Variants in USPL1 observed in about 807,000 individuals in gnomAD.
USPL1 encodes ubiquitin specific peptidase like 1.
Under a neutral mutation model 51.5 loss-of-function variants are expected in USPL1, and 27 were observed. That is an observed-to-expected ratio of 0.52 (90% CI 0.39 to 0.72). The LOEUF is 0.72. Ranked by LOEUF, USPL1 falls within the 30% of genes least tolerant of loss-of-function variation. USPL1 has a pLI of 0.00. For synonymous variants in USPL1, 451 were observed against 459.6 expected (o/e 0.98, Z 0.24); for missense variants, 1,226 against 1,268.0 (o/e 0.97, Z 0.50).
chr13:30,658,953 G>C lies in USPL1; in HGVS notation c.2876G>C (p.Gly959Ala), dbSNP rs781215462. Residue 959 changes from glycine (G) to alanine (A), a missense_variant, in exon 9 of 9, where the codon GGT becomes GCT. Coordinates refer to ENST00000255304, the MANE Select transcript of USPL1 (RefSeq NM_005800.5). ...GAGTCTGCATGCACCACTGTTCCTG[G>C]TGTTTCCCTGTACAGTAGTCAAACT... ...ASESACTTVP[G>A]VSLYSSQTHE... The C allele has an allele frequency of 6.2e-7, 1 of 1,614,128 alleles. No individual in the cohort carries two copies. The highest frequency in any genetic ancestry group is 8.5e-7 in the Non-Finnish European group (1 of 1,180,030).
At chr13:30,643,613 CTT>C (rs1173017334) in intron 6 of USPL1, among the ~76,000 whole-genome samples, 9 of 115,622 alleles carry the variant, frequency 7.8e-5, no homozygotes, top group Non-Finnish European at 1.0e-4. Flanking sequence ...CCCCCCCGCC[CTT>C]TTTTTTTTTT....
chr13:30,636,701 G>T (rs1425359066), intron 4 of USPL1, among the ~76,000 whole-genome samples: 2 of 152,164 alleles, frequency 1.3e-5, no homozygotes, highest in African/African-American at 4.8e-5. Context: ...AGTGAAAAAA[G>T]AAACAACTAA....
rs1441461388 is a variant in USPL1, at chr13:30,653,165, T to G, written c.1256T>G (p.Met419Arg). Residue 419 changes from methionine to arginine, a missense_variant, in exon 8 of 9, where the codon ATG becomes AGG. Physicochemically the swap from Met to Arg is moderately conservative, Grantham distance 91. Coordinates refer to ENST00000255304, the MANE Select transcript of USPL1 (RefSeq NM_005800.5). ...MVLEKVSPIF[M>R]LHFVEGLPQN... ...TCCCACAGAGTATCTCCCATATTCA[T>G]GTTGCACTTTGTAGAAGGCTTACCA... The G allele has an allele frequency of 4.4e-6, 7 of 1,603,472 alleles. No homozygotes were observed. The Admixed American group carries it at 1.0e-4, about 23-fold the overall frequency.
At chr13:30,642,425 G>A (rs1950960045) in intron 5 of USPL1, among the ~76,000 whole-genome samples, 1 of 152,096 alleles carries the variant, frequency 6.6e-6, no homozygotes, top group South Asian at 2.1e-4. Flanking sequence ...GATCAAAGTG[G>A]TAATTAAATC....
At chr13:30,653,591 G>A (rs202006469) in intron 8 of USPL1, among the ~76,000 whole-genome samples, 2 of 150,918 alleles carry the variant, frequency 1.3e-5, no homozygotes, top group African/African-American at 4.9e-5. Flanking sequence ...TGTTAGCTCA[G>A]TTTTTTTTTC....
intron 3 of USPL1, among the ~76,000 whole-genome samples, chr13:30,628,595 G>A (rs999739295): frequency 1.3e-5 from 2 of 152,120 alleles, no homozygotes; most frequent in African/African-American, 4.8e-5. Flanking sequence ...GTGTCCGTGT[G>A]TTCTCATTGT....
At chr13:30,624,189 G>A (rs968999894) in intron 3 of USPL1, among the ~76,000 whole-genome samples, 7 of 152,110 alleles carry the variant, frequency 4.6e-5, no homozygotes, top group Non-Finnish European at 1.0e-4. Flanking sequence ...ATACCCATTT[G>A]GTGTCCTCTG....
chr13:30,645,746 A>G (rs954491620), intron 6 of USPL1, among the ~76,000 whole-genome samples: 1 of 152,234 alleles, frequency 6.6e-6, no homozygotes, highest in African/African-American at 2.4e-5. Context: ...TTAAAAACAT[A>G]GTCTTCAGAG....
intron 7 of USPL1, among the ~76,000 whole-genome samples, chr13:30,650,217 T>C (rs575824616): frequency 2.6e-5 from 4 of 152,284 alleles, no homozygotes; most frequent in African/African-American, 9.6e-5. Context: ...AGGGGAAGGA[T>C]ATTATTTGAT....
intron 6 of USPL1, among the ~76,000 whole-genome samples, chr13:30,645,801 T>C (rs151336797): frequency 6.6e-6 from 1 of 152,210 alleles, no homozygotes; most frequent in Non-Finnish European, 1.5e-5. Context: ...TATGTGTCAC[T>C]TTCCCCATCT....
chr13:30,631,008 A>G lies in USPL1; in HGVS notation c.402A>G (p.Gly134=). 6.2e-7 allele frequency: 1 copy of G among 1,614,128 alleles called. No individual in the cohort carries two copies. Among genetic ancestry groups the G allele is most frequent in the Non-Finnish European group, 8.5e-7 (1 of 1,180,034 alleles). ...KTRNYIAIDG[G]KVLNSKHNGE... Reference sequence around the variant, plus strand: ...GAAATTATATTGCTATTGACGGTGGAAAAGTTTTGAACAGCAAACATAATG... The same window carrying G: ...GAAATTATATTGCTATTGACGGTGGGAAAGTTTTGAACAGCAAACATAATG... Residue 134 remains glycine (G), a synonymous_variant, in exon 4 of 9, where the codon GGA becomes GGG. Coordinates refer to ENST00000255304, the MANE Select transcript of USPL1 (RefSeq NM_005800.5).
At chr13:30,650,036 T>G (rs1297607596) in intron 7 of USPL1, among the ~76,000 whole-genome samples, 1 of 152,096 alleles carries the variant, frequency 6.6e-6, no homozygotes, top group Non-Finnish European at 1.5e-5. Flanking sequence ...GGGATAAAGT[T>G]TAGTAGAGAT....
chr13:30,639,133 T>C (rs1018447785), intron 5 of USPL1, among the ~76,000 whole-genome samples: 4 of 151,364 alleles, frequency 2.6e-5, no homozygotes, highest in Non-Finnish European at 5.9e-5. Context: ...GGAGAATCGC[T>C]TGAACTTGGG....
In USPL1 at chr13:30,654,822, CT is replaced by C. The variant is rs994766618; in HGVS notation, c.1396+1524del. Among the ~76,000 whole-genome samples, 19 of 151,866 alleles carry C rather than the reference CT, an allele frequency of 1.3e-4. 1 individual carries two copies. The highest frequency in any genetic ancestry group is 4.1e-4 in the African/African-American group (17 of 41,370). ...GCTCACATTAAAAAAAGTTATGTGACTTTTTTTAATTCATATGTCTTTTTAA... is the reference window on the plus strand; with the variant it reads ...GCTCACATTAAAAAAAGTTATGTGACTTTTTTAATTCATATGTCTTTTTAA... On this transcript the variant is annotated intron_variant, in intron 8 of 8. Transcript: ENST00000255304.
chr13:30,633,784 CA>C (rs61682331), intron 4 of USPL1, among the ~76,000 whole-genome samples: 227 of 41,264 alleles, frequency 5.5e-3, no homozygotes, highest in South Asian at 0.027. Context: ...GACTCTGTCT[CA>C]AAAAAAAAAA....
chr13:30,642,213 G>C (rs1950957157), intron 5 of USPL1, among the ~76,000 whole-genome samples: 1 of 152,076 alleles, frequency 6.6e-6, no homozygotes. Context: ...TTCCTGCCTT[G>C]GCCTCCCAGT....
At position 30,657,518 on chromosome 13, in the gene USPL1, AG is replaced by A; in HGVS notation, c.1443del (p.Arg481SerfsTer24). The A allele has an allele frequency of 6.2e-7, 1 of 1,611,428 alleles. No individual in the cohort carries two copies. Among genetic ancestry groups the A allele is most frequent in the Non-Finnish European group, 8.5e-7 (1 of 1,179,112 alleles). On this transcript the variant is annotated frameshift_variant, in exon 9 of 9. Coordinates refer to ENST00000255304, the MANE Select transcript of USPL1 (RefSeq NM_005800.5). LOFTEE classifies it low-confidence loss of function (END_TRUNC). ...CDDLKGPCSE[R>X]HKKFEVPASE... ...TGACTTAAAAGGCCCATGTTCTGAA[AG>A]GCACAAGAAATTTGAAGTTCCTGCT...
At chr13:30,648,534 G>T (rs1951047220) in intron 7 of USPL1, among the ~76,000 whole-genome samples, 1 of 152,098 alleles carries the variant, frequency 6.6e-6, no homozygotes, top group African/African-American at 2.4e-5. Flanking sequence ...TCCTTTAGGG[G>T]TTCTCTGGGA....
At chr13:30,641,523 G>A (rs1176789545) in intron 5 of USPL1, among the ~76,000 whole-genome samples, 1 of 152,244 alleles carries the variant, frequency 6.6e-6, no homozygotes. Flanking sequence ...GGCCAAATCG[G>A]TAAGGCAGCA....
Sources: allele counts gnomAD v4.1 joint callset (sites outside exome capture counted in the v4.1 genomes callset), GRCh38; gene constraint gnomAD v4.1.1; transcripts MANE v1.5; gene names NCBI Gene and HGNC (gene_info 2026-07-23, HGNC 2026-07-21).